ZNF287: variants seen among roughly 807,000 people sequenced by gnomAD.
ZNF287 encodes zinc finger protein 287.
In ZNF287, 31 loss-of-function variants were observed where a neutral mutation model predicts 73.7. That is an observed-to-expected ratio of 0.42 (90% CI 0.32 to 0.57). The LOEUF is 0.57. Ranked by LOEUF, ZNF287 falls within the 20% of genes least tolerant of loss-of-function variation. The probability of loss-of-function intolerance (pLI) is 0.13; values close to 1 mark genes in which losing one functional copy is unlikely to be tolerated. For missense variants in ZNF287, 641 were observed against 909.3 expected (o/e 0.70, Z 3.79); for synonymous variants, 301 against 307.2 (o/e 0.98, Z 0.21).
At position 16,547,349 on chromosome 17, in the gene ZNF287, C is replaced by A. The variant is rs1229339253; in HGVS notation, c.*4507G>T. Among the ~76,000 whole-genome samples the A allele has an allele frequency of 2.0e-5, 3 of 152,172 alleles. No homozygotes were observed. The highest frequency in any genetic ancestry group is 1.9e-4 in the East Asian group (1 of 5,202). On this transcript the variant is annotated 3_prime_UTR_variant, in exon 6 of 6. Transcript: ENST00000395825. Reference sequence around the variant, plus strand: ...GCTTTCTTAATTGCCCTCTACTTAACCCACTTGGCAGATTAACTGACAAGT... The same window carrying A: ...GCTTTCTTAATTGCCCTCTACTTAAACCACTTGGCAGATTAACTGACAAGT...
At chr17:16,554,115 T>G (rs1906882261) in intron 5 of ZNF287, among the ~76,000 whole-genome samples, 1 of 152,156 alleles carries the variant, frequency 6.6e-6, no homozygotes, top group South Asian at 2.1e-4. Context: ...TACCTCCACT[T>G]GGCACTCAGT....
chr17:16,566,926 CCTTT>C (rs1231201148), intron 2 of ZNF287, among the ~76,000 whole-genome samples: 2 of 152,090 alleles, frequency 1.3e-5, no homozygotes, highest in African/African-American at 4.8e-5. Flanking sequence ...TTCTCTAGAC[CCTTT>C]CTTCCTTTTT....
In ZNF287 at chr17:16,549,870, C is replaced by T. The variant is rs927872229; in HGVS notation, c.*1986G>A. Among the ~76,000 whole-genome samples, 1 of 152,136 alleles carries T rather than the reference C, an allele frequency of 6.6e-6. No homozygotes were observed. The highest frequency in any genetic ancestry group is 6.5e-5 in the Admixed American group (1 of 15,274). On this transcript the variant is annotated 3_prime_UTR_variant, in exon 6 of 6. Coordinates refer to ENST00000395825, the MANE Select transcript of ZNF287 (RefSeq NM_020653.4). ...TCCCAAGTAAATGTTATTTGTTGAA[C>T]ATTTCTTTGATATATGCACAAAAAT...
intron 5 of ZNF287, 28 bp from the exon 6 acceptor site, chr17:16,553,454 T>C (rs967075417): frequency 7.0e-7 from 1 of 1,428,210 alleles, no homozygotes; most frequent in African/African-American, 1.5e-5. Flanking sequence ...TTAAAAAATC[T>C]TCATTTATTT....
chr17:16,554,364 T>C (rs1906901781), intron 5 of ZNF287, among the ~76,000 whole-genome samples: 1 of 152,136 alleles, frequency 6.6e-6, no homozygotes, highest in African/African-American at 2.4e-5. Flanking sequence ...AATAGAGACA[T>C]GGTTTCACCA....
chr17:16,563,283 A>C (rs781249727), intron 4 of ZNF287, 51 bp from the exon 5 acceptor site: 3 of 1,392,768 alleles, frequency 2.2e-6, no homozygotes, highest in South Asian at 1.2e-5. Context: ...ATGGTTGCTC[A>C]AAGTTTTATT....
intron 5 of ZNF287, among the ~76,000 whole-genome samples, chr17:16,560,515 AAT>A (rs1907373303): frequency 4.6e-5 from 7 of 150,678 alleles, no homozygotes; most frequent in African/African-American, 1.5e-4. Flanking sequence ...ACGCCCAGCT[AAT>A]TTTTGTATTT....
At position 16,548,660 on chromosome 17, in the gene ZNF287, C is replaced by T. The variant is rs1164374704; in HGVS notation, c.*3196G>A. ...AAAAAATACAAAGAAATTAGCCGGG[C>T]GTGGTGGCGGGTGTCTGTAGTCCCA... is the stretch of plus-strand genomic sequence containing the variant. On this transcript the variant is annotated 3_prime_UTR_variant, in exon 6 of 6. Transcript: ENST00000395825. Among the ~76,000 whole-genome samples the T allele has an allele frequency of 1.3e-5, 2 of 151,994 alleles. No individual in the cohort carries two copies. Among genetic ancestry groups the T allele is most frequent in the African/African-American group, 4.8e-5 (2 of 41,382 alleles).
intron 1 of ZNF287, 44 bp from the exon 2 acceptor site, chr17:16,567,973 A>T: frequency 1.5e-6 from 2 of 1,364,012 alleles, no homozygotes; most frequent in Admixed American, 6.6e-5. Context: ...TCCCTGGTGT[A>T]CTCTACTATA....
intron 5 of ZNF287, chr17:16,558,978 A>G (rs1297068047): frequency 3.3e-5 from 5 of 152,302 alleles, no homozygotes; most frequent in African/African-American, 1.2e-4. Flanking sequence ...CTCTGTCTCA[A>G]CAACAGCAAT....
At chr17:16,560,331 T>C (rs1169334920) in intron 5 of ZNF287, among the ~76,000 whole-genome samples, 1 of 145,388 alleles carries the variant, frequency 6.9e-6, no homozygotes, top group Non-Finnish European at 1.5e-5. Context: ...TATATATATA[T>C]ATGGGGTGGG....
Position 16,563,683 on chromosome 17 carries a change from T to C in ZNF287, c.628+16A>G. On this transcript the variant is annotated intron_variant, in intron 4 of 5. Transcript: ENST00000395825. ...GGGAACAGGCTCGGAGGAGGAGGGA[T>C]GCAGATGATCCTTACCCAGAGAAAC... The C allele has an allele frequency of 6.2e-7, 1 of 1,609,918 alleles. No homozygotes were observed. The highest frequency in any genetic ancestry group is 2.2e-5 in the East Asian group (1 of 44,734).
In ZNF287 at chr17:16,548,563, T is replaced by C. The variant is rs1906423882; in HGVS notation, c.*3293A>G. Among the ~76,000 whole-genome samples, 1 of 152,240 alleles carries C rather than the reference T, an allele frequency of 6.6e-6. No individual in the cohort carries two copies. The highest frequency in any genetic ancestry group is 1.5e-5 in the Non-Finnish European group (1 of 68,002). On this transcript the variant is annotated 3_prime_UTR_variant, in exon 6 of 6. Transcript: ENST00000395825. ...CTGTAATGCCAGTACTTTGGGAGGCTGAGGCGGGTGGATCACGAGGTCAGG... is the reference window on the plus strand; with the variant it reads ...CTGTAATGCCAGTACTTTGGGAGGCCGAGGCGGGTGGATCACGAGGTCAGG...
intron 3 of ZNF287, 137 bp downstream of exon 3, chr17:16,566,388 A>C (rs919319179): frequency 1.3e-5 from 8 of 627,016 alleles, no homozygotes; most frequent in Non-Finnish European, 2.2e-5. Context: ...TTAACAGACC[A>C]AGATAACATA....
At chr17:16,556,193 A>C (rs935388986) in intron 5 of ZNF287, among the ~76,000 whole-genome samples, 25 of 137,970 alleles carry the variant, frequency 1.8e-4, no homozygotes, top group African/African-American at 7.0e-4. Context: ...CACACACACA[A>C]AATCTAAGGG....
At chr17:16,563,902 TG>T in intron 3 of ZNF287, 77 bp from the exon 4 acceptor site, 1 of 1,521,334 alleles carries the variant, frequency 6.6e-7, no homozygotes. Flanking sequence ...GGTATATGTA[TG>T]GTGGGGGACT....
chr17:16,567,555 G>T lies in ZNF287; in HGVS notation c.177C>A (p.Asp59Glu). 6.2e-7 allele frequency: 1 copy of T among 1,614,188 alleles called. No homozygotes were observed. ...TCAATGCCTTTCGAGGACCAGCCAGGTCTGGGTATGGAAAATTCCTAAAAT... is the reference window on the plus strand; with the variant it reads ...TCAATGCCTTTCGAGGACCAGCCAGTTCTGGGTATGGAAAATTCCTAAAAT... Reference protein sequence around the residue: ...RQNFRNFPYPDLAGPRKALSQ... With the variant: ...RQNFRNFPYPELAGPRKALSQ... The change falls in exon 2 of 6, where the codon GAC becomes GAA. Residue 59 changes from aspartate (D) to glutamate (E), a missense_variant. Around this residue, in one of 2 missense-constraint regions of ZNF287, gnomAD observed 357 missense variants for 442.4 expected, o/e 0.81. Coordinates refer to ENST00000395825, the MANE Select transcript of ZNF287 (RefSeq NM_020653.4).
In ZNF287 at chr17:16,548,937, TTG is replaced by T. The variant is rs1045391915; in HGVS notation, c.*2917_*2918del. Among the ~76,000 whole-genome samples, 16 of 148,076 alleles carry T rather than the reference TTG, an allele frequency of 1.1e-4. No homozygotes were observed. Among genetic ancestry groups the T allele is most frequent in the African/African-American group, 4.0e-4 (16 of 40,052 alleles). ...TCTTCAGATATTAGGGAATTACTATTTGTTTTTTTTTTAAAGGTATGTAAATG... is the reference window on the plus strand; with the variant it reads ...TCTTCAGATATTAGGGAATTACTATTTTTTTTTTTTAAAGGTATGTAAATG... On this transcript the variant is annotated 3_prime_UTR_variant, in exon 6 of 6. Transcript: ENST00000395825.
intron 5 of ZNF287, among the ~76,000 whole-genome samples, chr17:16,561,958 G>A (rs1465148353): frequency 6.6e-6 from 1 of 152,186 alleles, no homozygotes; most frequent in African/African-American, 2.4e-5. Context: ...TGCTTATGTA[G>A]AAGAATGTTC....
Sources: allele counts gnomAD v4.1 joint callset (sites outside exome capture counted in the v4.1 genomes callset), GRCh38; gene constraint gnomAD v4.1.1; regional missense constraint gnomAD v4.1.1; transcripts MANE v1.5; gene names NCBI Gene and HGNC (gene_info 2026-07-23, HGNC 2026-07-21).